The following FER variants were observed in gnomAD, a reference collection of about 807,000 sequenced individuals.
FER encodes FER tyrosine kinase.
Under a neutral mutation model 111.0 loss-of-function variants are expected in FER, and 63 were observed. The ratio of observed to expected loss-of-function variants is 0.57; its 90% CI spans 0.46 to 0.70. The LOEUF (loss-of-function observed/expected upper bound fraction) is 0.70, where lower values mean the gene tolerates loss of function less well. Ranked by LOEUF, FER falls within the 30% of genes least tolerant of loss-of-function variation. The pLI is 0.00. For synonymous variants in FER, 327 were observed against 313.9 expected (o/e 1.04, Z -0.44); for missense variants, 914 against 954.0 (o/e 0.96, Z 0.55).
At chr5:109,058,717 TTTCTTTC>T (rs1270097307) in intron 16 of FER, among the ~76,000 whole-genome samples, 6 of 137,062 alleles carry the variant, frequency 4.4e-5, no homozygotes, top group Admixed American at 1.5e-4. Flanking sequence ...TTTTTCTTTC[TTTCTTTC>T]TTTTTTTTTT....
chr5:109,117,604 G>A (rs962801080), intron 17 of FER, among the ~76,000 whole-genome samples: 4 of 152,030 alleles, frequency 2.6e-5, no homozygotes, highest in African/African-American at 9.7e-5. Context: ...TGGACAGTAT[G>A]GCCATTTTCA....
intron 17 of FER, among the ~76,000 whole-genome samples, chr5:109,178,467 G>A (rs1032116298): frequency 6.6e-6 from 1 of 152,180 alleles, no homozygotes; most frequent in Non-Finnish European, 1.5e-5. Context: ...TCTGAAGAAA[G>A]TACTAACAGT....
chr5:108,798,456 A>C (rs1756287468), intron 3 of FER, 67 bp downstream of exon 3: 33 of 1,193,890 alleles, frequency 2.8e-5, no homozygotes, highest in Non-Finnish European at 3.5e-5. Flanking sequence ...GCAATAGCTC[A>C]AACTATTGAA....
chr5:108,964,467 C>T (rs918861412), intron 13 of FER, among the ~76,000 whole-genome samples: 5 of 152,016 alleles, frequency 3.3e-5, no homozygotes, highest in South Asian at 4.1e-4. Context: ...TTCGAAGAGC[C>T]GTAGAGGTGT....
chr5:108,816,917 C>T (rs1013535318), intron 3 of FER, among the ~76,000 whole-genome samples: 4 of 151,526 alleles, frequency 2.6e-5, no homozygotes, highest in Admixed American at 6.6e-5. Context: ...GCCTGGGCAA[C>T]GTGGCAAAAT....
intron 5 of FER, among the ~76,000 whole-genome samples, chr5:108,854,346 G>T (rs577699958): frequency 9.9e-5 from 15 of 152,264 alleles, no homozygotes; most frequent in African/African-American, 3.6e-4. Context: ...CGGCACTAGA[G>T]CCGTTTCAAA....
intron 13 of FER, among the ~76,000 whole-genome samples, chr5:109,000,045 C>A (rs1381226588): frequency 6.6e-6 from 1 of 151,714 alleles, no homozygotes; most frequent in Non-Finnish European, 1.5e-5. Context: ...GATTCTTTCT[C>A]TTTATATTTT....
At chr5:108,834,987 A>T (rs1760461301) in intron 4 of FER, among the ~76,000 whole-genome samples, 1 of 152,138 alleles carries the variant, frequency 6.6e-6, no homozygotes, top group South Asian at 2.1e-4. Flanking sequence ...ATCTGTAGAC[A>T]ATATCTGGGA....
chr5:108,988,014 A>T (rs927340395), intron 13 of FER, among the ~76,000 whole-genome samples: 3 of 152,088 alleles, frequency 2.0e-5, no homozygotes, highest in African/African-American at 7.2e-5. Context: ...CGGATGCTGA[A>T]TTTTGTCAAA....
At position 109,165,020 on chromosome 5, in the gene FER, T is replaced by C. The variant is rs1196270827; in HGVS notation, c.2049-15727T>C. Among the ~76,000 whole-genome samples the C allele has an allele frequency of 4.6e-5, 7 of 152,164 alleles. No homozygotes were observed. The East Asian group carries it at 1.3e-3, about 29-fold the overall frequency. On this transcript the variant is annotated intron_variant, in intron 17 of 19. Transcript: ENST00000281092. ...AAGGAATAGATCCTTGAGTAATTCTTTTTTATGTGTGCTATTTGATGATGT... is the reference window on the plus strand; with the variant it reads ...AAGGAATAGATCCTTGAGTAATTCTCTTTTATGTGTGCTATTTGATGATGT...
intron 13 of FER, among the ~76,000 whole-genome samples, chr5:109,008,108 C>A (rs961125006): frequency 2.0e-4 from 31 of 152,096 alleles, no homozygotes; most frequent in African/African-American, 7.5e-4. Context: ...CACAGAAAGA[C>A]AAACTAGTGG....
chr5:109,002,546 T>G (rs1581599210), intron 13 of FER, among the ~76,000 whole-genome samples: 2 of 152,140 alleles, frequency 1.3e-5, no homozygotes, highest in Non-Finnish European at 2.9e-5. Context: ...GCATTACCAT[T>G]CAGGACATAG....
At chr5:108,993,659 G>A (rs866788451) in intron 13 of FER, among the ~76,000 whole-genome samples, 3 of 119,660 alleles carry the variant, frequency 2.5e-5, no homozygotes, top group African/African-American at 5.8e-5. Context: ...GGGCGAGGGC[G>A]AGGGTGAGGG....
chr5:109,019,774 C>G (rs987341997), intron 13 of FER, among the ~76,000 whole-genome samples: 1 of 151,918 alleles, frequency 6.6e-6, no homozygotes, highest in East Asian at 1.9e-4. Context: ...GTGAGTTACA[C>G]ACCTGACAAT....
chr5:108,811,901 C>G (rs1042906471), intron 3 of FER, among the ~76,000 whole-genome samples: 30 of 152,150 alleles, frequency 2.0e-4, no homozygotes, highest in Middle Eastern at 6.8e-3. Context: ...TCAATAGATT[C>G]GATAATGCTT....
At chr5:108,924,922 G>T in intron 10 of FER, 1 of 683,716 alleles carries the variant, frequency 1.5e-6, no homozygotes, top group African/African-American at 1.9e-5. Flanking sequence ...GAATCTGGTG[G>T]TAAACAAAAT....
intron 16 of FER, among the ~76,000 whole-genome samples, chr5:109,087,962 G>C (rs1471239401): frequency 6.6e-6 from 1 of 151,632 alleles, no homozygotes; most frequent in African/African-American, 2.4e-5. Flanking sequence ...TTAGTAATTG[G>C]CTCATGACCC....
intron 1 of FER, among the ~76,000 whole-genome samples, chr5:108,750,631 G>A (rs1001879464): frequency 6.6e-6 from 1 of 152,192 alleles, no homozygotes; most frequent in Admixed American, 6.5e-5. Context: ...TTCAAAGGTT[G>A]ATGTCTTTAG....
At chr5:108,926,204 TTC>T (rs1010141870) in intron 10 of FER, among the ~76,000 whole-genome samples, 5 of 151,724 alleles carry the variant, frequency 3.3e-5, no homozygotes, top group East Asian at 1.9e-4. Context: ...CTGATATATA[TTC>T]TTTTATTATC....
Sources: gnomAD v4.1 joint callset for allele counts (sites outside exome capture counted in the v4.1 genomes callset) on GRCh38, gnomAD v4.1.1 for gene constraint, MANE v1.5 for transcripts, NCBI Gene and HGNC (gene_info 2026-07-23, HGNC 2026-07-21) for gene names.